UBR3: variants seen among roughly 807,000 people sequenced by gnomAD.
UBR3 encodes the protein ubiquitin protein ligase E3 component n-recognin 3.
In UBR3, 85 loss-of-function variants were observed where a neutral mutation model predicts 243.2. That is an observed-to-expected ratio of 0.35 (90% CI 0.29 to 0.42). UBR3 has a LOEUF of 0.42. Ranked by LOEUF, UBR3 falls within the 10% of genes least tolerant of loss-of-function variation. The pLI is 1.00. For synonymous variants in UBR3, 748 were observed against 799.8 expected, an observed-to-expected ratio of 0.94 and a Z score of 1.09; for missense variants, 1,686 against 2,300.8, an observed-to-expected ratio of 0.73 and a Z score of 5.47.
rs1175431447 is a variant in UBR3, at chr2:169,946,317, A to C, written c.2835A>C (p.Glu945Asp). The C allele has an allele frequency of 2.8e-5, 43 of 1,512,748 alleles. No homozygotes were observed. In the East Asian group the frequency reaches 1.1e-3, roughly 39 times the overall value. The allele number at this position is 1,512,748 out of a possible 1,614,324, so 93.7% of individuals were successfully genotyped here. Residue 945 changes from glutamate (E) to aspartate (D), a missense_variant, in exon 21 of 39, where the codon GAA becomes GAC. By Grantham distance (45) the Glu-to-Asp change is conservative. Coordinates refer to ENST00000272793, the MANE Select transcript of UBR3 (RefSeq NM_172070.4). ...KILMDHQNLS[E>D]HVLCMVLYLI... ...TGATGGATCATCAAAATCTGTCAGA[A>C]CATGTACTCTGCATGGTTTTATATC...
intron 10 of UBR3, among the ~76,000 whole-genome samples, chr2:169,909,306 A>G (rs1280468774): frequency 2.0e-5 from 3 of 152,198 alleles, no homozygotes; most frequent in Non-Finnish European, 4.4e-5. Flanking sequence ...GATCAGATTT[A>G]CACTTAAAAG....
intron 31 of UBR3, among the ~76,000 whole-genome samples, chr2:170,035,287 A>C (rs534600831): frequency 6.6e-6 from 1 of 151,958 alleles, no homozygotes; most frequent in Admixed American, 6.6e-5. Flanking sequence ...TAAGAATTTT[A>C]TTGTTTTGTG....
In UBR3 at chr2:169,876,531, T is replaced by TATTGTATTG. The variant is rs548140513; in HGVS notation, c.844+582_844+583insATTGTATTG. Reference sequence around the variant, plus strand: ...CATGATAATTATGCTCTGCCTCTCTTTATTGTATTGTATTGTATTGTATTG... The same window carrying TATTGTATTG: ...CATGATAATTATGCTCTGCCTCTCTTATTGTATTGTATTGTATTGTATTGTATTGTATTG... On this transcript the variant is annotated intron_variant, in intron 3 of 38. Coordinates refer to ENST00000272793, the MANE Select transcript of UBR3 (RefSeq NM_172070.4). 4.2e-3 allele frequency among the ~76,000 whole-genome samples: 614 copies of TATTGTATTG among 147,334 alleles called. 4 individuals are homozygous for TATTGTATTG. Among genetic ancestry groups the TATTGTATTG allele is most frequent in the Admixed American group, 9.9e-3 (144 of 14,618 alleles).
chr2:170,014,717 A>G (rs2090184681), intron 29 of UBR3: 1 of 152,442 alleles, frequency 6.6e-6, no homozygotes, highest in Non-Finnish European at 1.5e-5. Context: ...TAATGAAACT[A>G]GTTTTAGAAG....
chr2:169,851,022 C>A (rs2082638911), intron 1 of UBR3, among the ~76,000 whole-genome samples: 1 of 152,178 alleles, frequency 6.6e-6, no homozygotes. Context: ...TTAAAAAAAT[C>A]TGATTTGACA....
chr2:169,888,311 G>T (rs2084191830), intron 5 of UBR3, among the ~76,000 whole-genome samples: 1 of 150,880 alleles, frequency 6.6e-6, no homozygotes, highest in Non-Finnish European at 1.5e-5. Context: ...GCTAATTTTT[G>T]TATTTTTAGT....
At chr2:170,049,444 T>TCAA (rs2091166178) in intron 32 of UBR3, among the ~76,000 whole-genome samples, 1 of 152,142 alleles carries the variant, frequency 6.6e-6, no homozygotes, top group African/African-American at 2.4e-5. Context: ...CCTGCACAGT[T>TCAA]CAAACCCATC....
In UBR3 at chr2:169,948,629, A is replaced by T. The variant is rs138397374; in HGVS notation, c.3084+914A>T. On this transcript the variant is annotated intron_variant, in intron 22 of 38. Coordinates refer to ENST00000272793, the MANE Select transcript of UBR3 (RefSeq NM_172070.4). Reference sequence around the variant, plus strand: ...GTCTTTGACAACGTGTTTTCACTGTAAGCAAAAACTGGAAACTCTGTAAGA... The same window carrying T: ...GTCTTTGACAACGTGTTTTCACTGTTAGCAAAAACTGGAAACTCTGTAAGA... Among the ~76,000 whole-genome samples, 8 of 152,186 alleles carry T rather than the reference A, an allele frequency of 5.3e-5. No individual in the cohort carries two copies. The East Asian group carries it at 1.5e-3, about 29-fold the overall frequency.
At chr2:169,862,921 A>G (rs957798020) in intron 1 of UBR3, among the ~76,000 whole-genome samples, 1 of 152,186 alleles carries the variant, frequency 6.6e-6, no homozygotes, top group African/African-American at 2.4e-5. Flanking sequence ...GAATTATCCA[A>G]AATTATATGC....
intron 30 of UBR3, among the ~76,000 whole-genome samples, chr2:170,024,914 GT>G (rs1304907987): frequency 6.6e-6 from 1 of 152,182 alleles, no homozygotes; most frequent in Admixed American, 6.5e-5. Flanking sequence ...GAAGAAGATG[GT>G]AGGAGCAAAT....
intron 19 of UBR3, among the ~76,000 whole-genome samples, chr2:169,937,123 T>C (rs1375675256): frequency 6.6e-6 from 1 of 151,564 alleles, no homozygotes. Flanking sequence ...GTTGAACTAG[T>C]TAGTGTAAAA....
chr2:169,908,802 A>C (rs2085123287), intron 10 of UBR3, among the ~76,000 whole-genome samples: 1 of 149,404 alleles, frequency 6.7e-6, no homozygotes. Flanking sequence ...GCCTACCTTC[A>C]GTAGGAAAGT....
chr2:169,955,695 G>A (rs1208751378), intron 23 of UBR3, among the ~76,000 whole-genome samples: 1 of 145,268 alleles, frequency 6.9e-6, no homozygotes, highest in Non-Finnish European at 1.5e-5. Flanking sequence ...TCAAGAGGCT[G>A]AAGCATGAGA....
chr2:170,074,411 T>G (rs1325113587), intron 36 of UBR3, among the ~76,000 whole-genome samples: 4 of 152,230 alleles, frequency 2.6e-5, no homozygotes, highest in African/African-American at 9.6e-5. Flanking sequence ...TGCGGCTGCT[T>G]AAACACCATT....
At chr2:169,964,329 C>A (rs1287852278) in intron 24 of UBR3, 2 of 440,502 alleles carry the variant, frequency 4.5e-6, no homozygotes, top group Admixed American at 5.2e-5. Flanking sequence ...ATTTTAAGAA[C>A]TAAGAGAAAA....
At chr2:170,071,053 A>G (rs1245785583) in intron 35 of UBR3, among the ~76,000 whole-genome samples, 2 of 152,196 alleles carry the variant, frequency 1.3e-5, no homozygotes, top group African/African-American at 4.8e-5. Flanking sequence ...AGAAGTACCA[A>G]TTAATATCAC....
At chr2:169,853,965 T>C (rs776061164) in intron 1 of UBR3, among the ~76,000 whole-genome samples, 3 of 151,174 alleles carry the variant, frequency 2.0e-5, no homozygotes, top group Non-Finnish European at 4.4e-5. Context: ...AATGGGAATT[T>C]AACAGTGAGA....
chr2:169,968,663 G>A (rs1270078229), intron 24 of UBR3, among the ~76,000 whole-genome samples: 1 of 152,094 alleles, frequency 6.6e-6, no homozygotes, highest in Non-Finnish European at 1.5e-5. Flanking sequence ...ACACGCAGCT[G>A]GCTCTTCAAT....
intron 24 of UBR3, among the ~76,000 whole-genome samples, chr2:169,974,081 T>G (rs968681869): frequency 6.6e-6 from 1 of 151,344 alleles, no homozygotes; most frequent in African/African-American, 2.4e-5. Flanking sequence ...AGCTTTCTAG[T>G]ATGTGTTAAG....
Sources: gnomAD v4.1 joint callset for allele counts (sites outside exome capture counted in the v4.1 genomes callset) on GRCh38, gnomAD v4.1.1 for gene constraint, MANE v1.5 for transcripts, NCBI Gene and HGNC (gene_info 2026-07-23, HGNC 2026-07-21) for gene names.